The following MYLK4 variants were observed in gnomAD, a reference collection of about 807,000 sequenced individuals.
MYLK4 encodes the protein myosin light chain kinase family member 4, also known as caMLCK like.
A neutral mutation model predicts 48.1 loss-of-function variants in MYLK4; 46 were observed. That is an observed-to-expected ratio of 0.96 (90% CI 0.75 to 1.22). The LOEUF (loss-of-function observed/expected upper bound fraction) is 1.22, where lower values mean the gene tolerates loss of function less well. Ranked by LOEUF, MYLK4 falls within the 50% of genes most tolerant of loss-of-function variation. The pLI, the probability that MYLK4 is intolerant of heterozygous loss-of-function variation, is 0.00. For synonymous variants in MYLK4, 170 were observed against 180.8 expected, an observed-to-expected ratio of 0.94 and a Z score of 0.48; for missense variants, 451 against 486.1, an observed-to-expected ratio of 0.93 and a Z score of 0.68.
intron 2 of MYLK4, chr6:2,743,880 A>C: frequency 2.5e-6 from 1 of 398,562 alleles, no homozygotes; most frequent in Admixed American, 4.4e-5. Flanking sequence ...GTCTTAGATA[A>C]AGGTGATTTT....
chr6:2,727,750 C>T (rs915939454), intron 2 of MYLK4, among the ~76,000 whole-genome samples: 2 of 152,002 alleles, frequency 1.3e-5, no homozygotes, highest in Non-Finnish European at 2.9e-5. Context: ...AGATAGAGAC[C>T]ATCCTGGCCA....
chr6:2,679,997 C>G (rs980352007), intron 8 of MYLK4, among the ~76,000 whole-genome samples: 1 of 152,174 alleles, frequency 6.6e-6, no homozygotes. Context: ...ATAAACTTCA[C>G]TGTATTAGGT....
chr6:2,766,432 G>A, the MYLK4 span: 22 of 1,565,764 alleles, frequency 1.4e-5, no homozygotes, highest in Non-Finnish European at 1.8e-5. Context: ...GGGGGCCGCC[G>A]GGCTGCGGCA....
At chr6:2,745,550 G>A (rs573999173) in intron 2 of MYLK4, among the ~76,000 whole-genome samples, 1 of 152,128 alleles carries the variant, frequency 6.6e-6, no homozygotes, top group Non-Finnish European at 1.5e-5. Flanking sequence ...TTACACAGTA[G>A]GTAGAATTTA....
At chr6:2,764,642 C>T in the MYLK4 span, among the ~76,000 whole-genome samples, 1,544 of 152,280 alleles carry the variant, frequency 0.01, 24 homozygotes, top group African/African-American at 0.035. Context: ...CCATTTCTAT[C>T]CGTCTAGGAC....
At chr6:2,748,876 A>G (rs893356071) in intron 2 of MYLK4, among the ~76,000 whole-genome samples, 1 of 152,204 alleles carries the variant, frequency 6.6e-6, no homozygotes, top group Non-Finnish European at 1.5e-5. Context: ...ATTCTTCTTC[A>G]TTTCTGCAAG....
In MYLK4 at chr6:2,678,275, C is replaced by A. The variant is rs369914977; in HGVS notation, c.985G>T (p.Asp329Tyr). 10 of 1,614,182 alleles carry A rather than the reference C, an allele frequency of 6.2e-6. No individual in the cohort carries two copies. The African/African-American group carries it at 8.0e-5, about 13-fold the overall frequency. Residue 329 changes from aspartate (D) to tyrosine (Y), a missense_variant, in exon 10 of 13, where the codon GAC becomes TAC. Physicochemically the swap from Asp to Tyr is radical, Grantham distance 160 (BLOSUM62 -3). Transcript: ENST00000274643. ...AACTCCTTGGCCTCCTCCGAGATGT[C>A]CTGAAATTCTTCATCCTCTAAGTCC... ...RWDLEDEEFQDISEEAKEFIS... is the reference protein window; with the variant it reads ...RWDLEDEEFQYISEEAKEFIS...
chr6:2,744,129 C>T (rs1445462673), intron 2 of MYLK4: 1 of 315,600 alleles, frequency 3.2e-6, no homozygotes, highest in Non-Finnish European at 5.3e-6. Flanking sequence ...TCACCCTTTG[C>T]TCTGCCCTGA....
At chr6:2,688,721 T>C (rs1325441285) in intron 4 of MYLK4, 130 bp downstream of exon 4, 13 of 736,062 alleles carry the variant, frequency 1.8e-5, no homozygotes, top group Non-Finnish European at 4.6e-6. Context: ...TTTTCAGAAA[T>C]GGTTACTGTT....
chr6:2,755,156 G>C (rs1001677747), upstream of MYLK4, among the ~76,000 whole-genome samples: 1 of 152,024 alleles, frequency 6.6e-6, no homozygotes, highest in Non-Finnish European at 1.5e-5. Context: ...AATATGGATT[G>C]GATCATTTAA....
At chr6:2,669,059 C>A (rs1305186382) in intron 12 of MYLK4, among the ~76,000 whole-genome samples, 4 of 149,530 alleles carry the variant, frequency 2.7e-5, no homozygotes, top group African/African-American at 9.7e-5. Context: ...CACAGCAAGA[C>A]CCTGTCTCTA....
chr6:2,765,962 C>T, the MYLK4 span: 2 of 1,420,378 alleles, frequency 1.4e-6, no homozygotes, highest in Non-Finnish European at 1.8e-6. Context: ...CTACGACGCG[C>T]CGCCCACACC....
chr6:2,664,372 G>C lies in MYLK4; in HGVS notation c.*3553C>G, dbSNP rs1210780105. Reference sequence around the variant, plus strand: ...GGGACAGGAAAGAACCGAGTCCGAGGACCACAGCCCTCCAGGGGCCTGATG... The same window carrying C: ...GGGACAGGAAAGAACCGAGTCCGAGCACCACAGCCCTCCAGGGGCCTGATG... On this transcript the variant is annotated 3_prime_UTR_variant, in exon 13 of 13. Transcript: ENST00000274643. 1.3e-5 allele frequency: 2 copies of C among 152,218 alleles called. No individual in the cohort carries two copies. The highest frequency in any genetic ancestry group is 2.9e-5 in the Non-Finnish European group (2 of 68,042). 9.4% of individuals were successfully genotyped at this position (152,218 alleles called of 1,614,324 possible).
intron 2 of MYLK4, among the ~76,000 whole-genome samples, chr6:2,702,759 G>A (rs564092313): frequency 7.2e-5 from 11 of 152,210 alleles, no homozygotes; most frequent in Non-Finnish European, 1.2e-4. Context: ...CCGTGCCCCA[G>A]GAATATACAC....
chr6:2,739,067 C>G (rs1763799433), intron 2 of MYLK4, among the ~76,000 whole-genome samples: 1 of 152,228 alleles, frequency 6.6e-6, no homozygotes, highest in Non-Finnish European at 1.5e-5. Context: ...CGAATGCATT[C>G]AAAGATCAGA....
At chr6:2,693,522 GT>G (rs1245146355) in intron 2 of MYLK4, among the ~76,000 whole-genome samples, 1 of 152,190 alleles carries the variant, frequency 6.6e-6, no homozygotes, top group East Asian at 1.9e-4. Context: ...ATCTGAATTA[GT>G]TGAGCAAACC....
chr6:2,745,696 G>A (rs1457194117), intron 2 of MYLK4, among the ~76,000 whole-genome samples: 5 of 151,658 alleles, frequency 3.3e-5, no homozygotes, highest in Non-Finnish European at 5.9e-5. Flanking sequence ...AGGCCAAGGT[G>A]GGAGGATCAC....
chr6:2,723,832 T>C (rs1301297161), intron 2 of MYLK4, among the ~76,000 whole-genome samples: 2 of 152,226 alleles, frequency 1.3e-5, no homozygotes, highest in African/African-American at 4.8e-5. Context: ...CAGTTTCTAA[T>C]GCCCTTCACA....
chr6:2,720,409 A>C (rs28422842), intron 2 of MYLK4, among the ~76,000 whole-genome samples: 1 of 3,390 alleles, frequency 2.9e-4, no homozygotes, highest in Non-Finnish European at 7.3e-4. Context: ...TCTAAAAACA[A>C]AAAAAAAAAA....
Sources: gnomAD v4.1 joint callset for allele counts (sites outside exome capture counted in the v4.1 genomes callset) on GRCh38, gnomAD v4.1.1 for gene constraint, MANE v1.5 for transcripts, NCBI Gene and HGNC (gene_info 2026-07-23, HGNC 2026-07-21) for gene names.